The following SLC25A17 variants were observed in gnomAD, a reference collection of about 807,000 sequenced individuals.
SLC25A17 encodes solute carrier family 25 member 17.
A neutral mutation model predicts 38.5 loss-of-function variants in SLC25A17; 26 were observed. That is an observed-to-expected ratio of 0.68 (90% CI 0.50 to 0.94). SLC25A17 has a LOEUF of 0.94. SLC25A17 is among the 40% of genes least tolerant of loss of function. SLC25A17 has a pLI of 0.00. For missense variants in SLC25A17, 333 were observed against 372.7 expected (o/e 0.89, Z 0.88); for synonymous variants, 139 against 136.2 (o/e 1.02, Z -0.14).
intron 4 of SLC25A17, 174 bp from the exon 5 acceptor site, chr22:40,779,299 A>T: frequency 6.9e-7 from 1 of 1,456,690 alleles, no homozygotes; most frequent in South Asian, 1.4e-5. Context: ...TACTGTTAGA[A>T]GCGATTTGGA....
chr22:40,802,233 T>C (rs2057490380), intron 1 of SLC25A17, among the ~76,000 whole-genome samples: 1 of 152,204 alleles, frequency 6.6e-6, no homozygotes, highest in Non-Finnish European at 1.5e-5. Flanking sequence ...TGAAGGTTCC[T>C]AAACATAGAA....
chr22:40,778,899 C>A, intron 5 of SLC25A17, 110 bp downstream of exon 5: 5 of 861,742 alleles, frequency 5.8e-6, no homozygotes, highest in Non-Finnish European at 3.6e-6. Context: ...TCAAACAAAC[C>A]CATCAAAAAG....
chr22:40,784,847 G>A (rs928530243), intron 4 of SLC25A17, among the ~76,000 whole-genome samples: 13 of 150,150 alleles, frequency 8.7e-5, no homozygotes, highest in African/African-American at 2.9e-4. Flanking sequence ...TCAGTATATA[G>A]TGAACTATAA....
chr22:40,794,409 C>A, intron 3 of SLC25A17, 105 bp downstream of exon 3: 1 of 685,142 alleles, frequency 1.5e-6, no homozygotes, highest in Admixed American at 2.4e-5. Context: ...AAATTCACAA[C>A]ATTAGAGTGC....
At chr22:40,780,300 T>G (rs1481766578) in intron 4 of SLC25A17, 1 of 152,230 alleles carries the variant, frequency 6.6e-6, no homozygotes, top group Non-Finnish European at 1.5e-5. Context: ...AGAGCACATT[T>G]CTCAAAATAA....
chr22:40,773,457 C>T (rs1190217431), intron 8 of SLC25A17, among the ~76,000 whole-genome samples: 2 of 150,726 alleles, frequency 1.3e-5, no homozygotes, highest in Non-Finnish European at 3.0e-5. Context: ...CTATGTGTAG[C>T]CTCTAGGTCA....
chr22:40,779,147 G>C, intron 4 of SLC25A17, 22 bp from the exon 5 acceptor site: 3 of 1,614,104 alleles, frequency 1.9e-6, no homozygotes, highest in Non-Finnish European at 2.5e-6. Flanking sequence ...AAGATGGAGA[G>C]AAAAAGGGAA....
At chr22:40,788,418 C>G (rs190121151) in intron 4 of SLC25A17, among the ~76,000 whole-genome samples, 1 of 152,140 alleles carries the variant, frequency 6.6e-6, no homozygotes, top group South Asian at 2.1e-4. Context: ...CTGGGCCGGG[C>G]GTTGCGGCTC....
intron 1 of SLC25A17, among the ~76,000 whole-genome samples, chr22:40,809,025 C>T (rs890508291): frequency 2.0e-5 from 3 of 151,978 alleles, no homozygotes; most frequent in Non-Finnish European, 2.9e-5. Flanking sequence ...TACATCAATG[C>T]CATTCATCTT....
intron 1 of SLC25A17, among the ~76,000 whole-genome samples, chr22:40,816,725 T>C (rs1020779941): frequency 3.3e-5 from 5 of 151,956 alleles, no homozygotes; most frequent in Admixed American, 2.6e-4. Context: ...ATTCTCCTGC[T>C]TCAGCCTCCC....
rs1427529704 is a variant in SLC25A17, at chr22:40,770,762, A to AG, written c.*71dup. The AG allele has an allele frequency of 4.8e-6, 7 of 1,470,202 alleles. No homozygotes were observed. The African/African-American group carries it at 9.8e-5, about 21-fold the overall frequency. The allele number at this position is 1,470,202 out of a possible 1,614,324, so 91.1% of individuals were successfully genotyped here. ...TGGTGGCAGGAGCCAGAGTCAAGGG[A>AG]GAATCACTTCTCTTCACTCAGGAGG... On this transcript the variant is annotated 3_prime_UTR_variant, in exon 9 of 9. Coordinates refer to ENST00000435456, the MANE Select transcript of SLC25A17 (RefSeq NM_006358.4).
At chr22:40,800,867 G>A (rs1052795129) in intron 1 of SLC25A17, among the ~76,000 whole-genome samples, 1 of 151,410 alleles carries the variant, frequency 6.6e-6, no homozygotes, top group African/African-American at 2.4e-5. Context: ...ACTCTGGGAG[G>A]CCAAGGTGGG....
At chr22:40,806,986 A>G (rs543171266) in intron 1 of SLC25A17, among the ~76,000 whole-genome samples, 1 of 152,208 alleles carries the variant, frequency 6.6e-6, no homozygotes, top group East Asian at 1.9e-4. Context: ...CCAAGTAGCT[A>G]TGACTACTGA....
chr22:40,772,001 T>C (rs1013656511), intron 8 of SLC25A17, among the ~76,000 whole-genome samples: 8 of 147,332 alleles, frequency 5.4e-5, no homozygotes, highest in South Asian at 2.1e-4. Context: ...CCCACAAAAA[T>C]CAAAAATTAA....
intron 8 of SLC25A17, 49 bp from the exon 9 acceptor site, chr22:40,771,030 G>C: frequency 6.8e-7 from 1 of 1,477,164 alleles, no homozygotes; most frequent in Non-Finnish European, 9.1e-7. Context: ...CTGCATCAGA[G>C]AACATGCTAC....
At chr22:40,787,226 T>C (rs2057346120) in intron 4 of SLC25A17, among the ~76,000 whole-genome samples, 1 of 152,112 alleles carries the variant, frequency 6.6e-6, no homozygotes, top group Non-Finnish European at 1.5e-5. Context: ...AGTAAGACTG[T>C]TGTCAGACAG....
chr22:40,779,185 T>C, intron 4 of SLC25A17, 60 bp from the exon 5 acceptor site: 2 of 1,612,696 alleles, frequency 1.2e-6, no homozygotes, highest in Non-Finnish European at 1.7e-6. Context: ...TAAGCTTTGC[T>C]GCTTTAAAGC....
chr22:40,785,236 T>C (rs1393303632), intron 4 of SLC25A17, among the ~76,000 whole-genome samples: 2 of 152,094 alleles, frequency 1.3e-5, no homozygotes. Context: ...ATACAAAAAT[T>C]AGCTGGGCAT....
intron 8 of SLC25A17, among the ~76,000 whole-genome samples, chr22:40,773,406 T>C (rs1427424560): frequency 9.7e-5 from 10 of 102,800 alleles, no homozygotes; most frequent in African/African-American, 4.3e-4. Flanking sequence ...CGAGACTCTG[T>C]CTCCAAAAAA....
Sources: gnomAD v4.1 joint callset for allele counts (sites outside exome capture counted in the v4.1 genomes callset) on GRCh38, gnomAD v4.1.1 for gene constraint, MANE v1.5 for transcripts, NCBI Gene and HGNC (gene_info 2026-07-23, HGNC 2026-07-21) for gene names.